The following GMPR2 variants were observed in gnomAD, a reference collection of about 807,000 sequenced individuals.
GMPR2 encodes GMP reductase 2.
GMPR2 carries 32 observed loss-of-function variants against 38.5 expected under a neutral mutation model. The ratio of observed to expected loss-of-function variants is 0.83; its 90% CI spans 0.63 to 1.12. The LOEUF (loss-of-function observed/expected upper bound fraction) is 1.12, where lower values mean the gene tolerates loss of function less well. Ranked by LOEUF, GMPR2 falls within the 50% of genes most tolerant of loss-of-function variation. GMPR2 has a pLI of 0.00. For synonymous variants in GMPR2, 154 were observed against 151.0 expected (o/e 1.02, Z -0.15); for missense variants, 396 against 432.1 (o/e 0.92, Z 0.74).
intron 8 of GMPR2, chr14:24,237,868 AG>A (rs957807363): frequency 2.0e-6 from 1 of 497,526 alleles, no homozygotes; most frequent in African/African-American, 1.9e-5. Flanking sequence ...CATTTTGCAC[AG>A]CTTCCCAGGA....
Position 24,238,295 on chromosome 14 carries a change from T to G in GMPR2, c.747T>G (p.Ser249Arg). The G allele has an allele frequency of 1.2e-6, 2 of 1,613,932 alleles. No homozygotes were observed. Among genetic ancestry groups the G allele is most frequent in the Non-Finnish European group, 1.7e-6 (2 of 1,179,908 alleles). ...VMLGGMLAGH[S>R]ESGGELIERD... Reference sequence around the variant, plus strand: ...TGGGTGGCATGCTGGCTGGGCACAGTGAGTCAGGTGGTGAGCTCATCGAGA... The same window carrying G: ...TGGGTGGCATGCTGGCTGGGCACAGGGAGTCAGGTGGTGAGCTCATCGAGA... Residue 249 changes from serine to arginine, a missense_variant, in exon 9 of 10, where the codon AGT becomes AGG. Transcript: ENST00000399440.
chr14:24,238,568 TA>T lies in GMPR2; in HGVS notation c.858-18del, dbSNP rs1365275671. ...TAAGGAATCCAGAAGGAGAAGATAA[TA>T]AAGTTTTTCCTACTTTAAGAGCCTC... is the stretch of plus-strand genomic sequence containing the variant. On this transcript the variant is annotated intron_variant, in intron 9 of 9. Transcript: ENST00000399440. 2 of 1,613,796 alleles carry T rather than the reference TA, an allele frequency of 1.2e-6. No individual in the cohort carries two copies. The highest frequency in any genetic ancestry group is 1.7e-6 in the Non-Finnish European group (2 of 1,179,908).
intron 8 of GMPR2, chr14:24,237,834 ATGGGACAGCACATC>A (rs2040420506): frequency 3.7e-6 from 2 of 540,708 alleles, no homozygotes; most frequent in Non-Finnish European, 6.5e-6. Flanking sequence ...GCTCTGAGGA[ATGGGACAGCACATC>A]TGCATTTTTC....
chr14:24,236,978 A>G (rs769822713), intron 5 of GMPR2, 93 bp from the exon 6 acceptor site: 8 of 951,920 alleles, frequency 8.4e-6, no homozygotes, highest in Middle Eastern at 2.3e-4. Flanking sequence ...CTTTGTAATA[A>G]TGTTGGAAAG....
intron 3 of GMPR2, 122 bp downstream of exon 3, chr14:24,233,720 T>C (rs780277557): frequency 5.4e-6 from 6 of 1,117,260 alleles, no homozygotes; most frequent in Non-Finnish European, 8.1e-6. Context: ...CAGGATGCTC[T>C]GATTTACGGT....
intron 9 of GMPR2, 90 bp from the exon 10 acceptor site, chr14:24,238,499 G>A (rs1248866834): frequency 5.0e-6 from 8 of 1,613,928 alleles, no homozygotes; most frequent in African/African-American, 1.3e-5. Flanking sequence ...GAAGCATGGT[G>A]AACCGGGGCT....
intron 3 of GMPR2, chr14:24,235,428 G>A (rs2040291392): frequency 7.5e-6 from 3 of 398,910 alleles, no homozygotes; most frequent in South Asian, 3.5e-5. Context: ...TCTGCTGCCT[G>A]TCCCACTGCA....
intron 8 of GMPR2, chr14:24,237,927 G>C: frequency 2.1e-6 from 1 of 472,274 alleles, no homozygotes. Flanking sequence ...TGGGACACAT[G>C]AAATGAGTCT....
At chr14:24,232,864 C>T (rs988179609), upstream of GMPR2, 2 of 323,828 alleles carry the variant, frequency 6.2e-6, no homozygotes, top group Non-Finnish European at 1.2e-5. Context: ...ACCTCTATTC[C>T]GGAAACTAGT....
chr14:24,233,577 GA>G lies in GMPR2; in HGVS notation c.187del (p.Met63TrpfsTer61). ...ANMDTVGTFE[M>X]AKVLCKFSLF... ...ATATGGATACTGTGGGCACCTTTGA[GA>G]TGGCCAAGGTTCTCTGTAAGGTAGG... On this transcript the variant is annotated frameshift_variant, in exon 3 of 10. Transcript: ENST00000399440. LOFTEE classifies it high-confidence loss of function. 6.2e-7 allele frequency: 1 copy of G among 1,614,140 alleles called. No homozygotes were observed. Among genetic ancestry groups the G allele is most frequent in the South Asian group, 1.1e-5 (1 of 91,080 alleles).
intron 3 of GMPR2, among the ~76,000 whole-genome samples, chr14:24,233,933 C>A (rs990131341): frequency 1.3e-5 from 2 of 152,118 alleles, no homozygotes; most frequent in Non-Finnish European, 2.9e-5. Context: ...TTCAGTTATG[C>A]GATTGTCCAC....
Position 24,233,572 on chromosome 14 carries a change from T to TATCTCTGGTGCCC in GMPR2, c.181_182insATCTCTGGTGCCC (p.Phe61TyrfsTer6). The TATCTCTGGTGCCC allele has an allele frequency of 6.2e-7, 1 of 1,614,136 alleles. No individual in the cohort carries two copies. Among genetic ancestry groups the TATCTCTGGTGCCC allele is most frequent in the South Asian group, 1.1e-5 (1 of 91,080 alleles). Reference sequence around the variant, plus strand: ...TGCCAATATGGATACTGTGGGCACCTTTGAGATGGCCAAGGTTCTCTGTAA... The same window carrying TATCTCTGGTGCCC: ...TGCCAATATGGATACTGTGGGCACCTATCTCTGGTGCCCTTGAGATGGCCAAGGTTCTCTGTAA... On this transcript the variant is annotated frameshift_variant, in exon 3 of 10. Coordinates refer to ENST00000399440, the MANE Select transcript of GMPR2 (RefSeq NM_001002002.3). LOFTEE classifies it high-confidence loss of function.
intron 1 of GMPR2, 48 bp from the exon 2 acceptor site, chr14:24,233,171 C>T: frequency 6.2e-7 from 1 of 1,611,364 alleles, no homozygotes; most frequent in Non-Finnish European, 8.5e-7. Flanking sequence ...CGTAACAGGG[C>T]GTTAAAGCCC....
chr14:24,233,826 A>G (rs2040202941), intron 3 of GMPR2: 7 of 619,210 alleles, frequency 1.1e-5, no homozygotes, highest in Middle Eastern at 2.6e-4. Context: ...TTTCTGATAT[A>G]TGAACAGAAT....
chr14:24,238,839 G>A lies in GMPR2; in HGVS notation c.*61G>A. ...TCTACCATGGGGCATCCCAAGTGGG[G>A]TCCTCACCCATCCCAGCTACTGCAG... On this transcript the variant is annotated 3_prime_UTR_variant, in exon 10 of 10. Coordinates refer to ENST00000399440, the MANE Select transcript of GMPR2 (RefSeq NM_001002002.3). The A allele has an allele frequency of 7.1e-7, 1 of 1,413,010 alleles. No homozygotes were observed. The highest frequency in any genetic ancestry group is 9.9e-7 in the Non-Finnish European group (1 of 1,009,098). The allele number at this position is 1,413,010 out of a possible 1,614,324, so 87.5% of individuals were successfully genotyped here. A position where few individuals can be genotyped will look rare whatever the true frequency, so the allele number is the denominator to read the frequency against.
rs776726427 is a variant in GMPR2, at chr14:24,235,962, C to T, written c.292-5C>T. 23 of 1,613,572 alleles carry T rather than the reference C, an allele frequency of 1.4e-5. No individual in the cohort carries two copies. The Admixed American group carries it at 3.3e-4, about 23-fold the overall frequency. On this transcript the variant is annotated splice_region_variant and splice_polypyrimidine_tract_variant and intron_variant, in intron 4 of 9. Transcript: ENST00000399440. ...GATATGCCAATGACTCTGTTTCTCC[C>T]ACAGCATCTGGCTGCCAGCTCAGGC...
intron 8 of GMPR2, 66 bp from the exon 9 acceptor site, chr14:24,238,180 T>G: frequency 1.4e-6 from 2 of 1,406,246 alleles, no homozygotes; most frequent in Non-Finnish European, 2.0e-6. Flanking sequence ...GTGAGTTGCT[T>G]TTGAGGGTGG....
At chr14:24,233,391 C>T (rs2040155977) in intron 2 of GMPR2, 51 bp downstream of exon 2, 1 of 1,609,054 alleles carries the variant, frequency 6.2e-7, no homozygotes, top group South Asian at 1.1e-5. Flanking sequence ...TCCCGGTGGG[C>T]CACAACCAAG....
rs988374291 is a variant in GMPR2, at chr14:24,233,082, G to A, written c.-36+105G>A. The A allele has an allele frequency of 2.0e-5, 22 of 1,075,932 alleles. No homozygotes were observed. In the South Asian group the frequency reaches 2.4e-4, roughly 12 times the overall value. The allele number at this position is 1,075,932 out of a possible 1,614,324, so 66.6% of individuals were successfully genotyped here. A position where few individuals can be genotyped will look rare whatever the true frequency, so the allele number is the denominator to read the frequency against. On this transcript the variant is annotated intron_variant, in intron 1 of 9. Transcript: ENST00000399440. ...TAGGGTAATCGCAGCCACGGGATGG[G>A]TCGAGGTGACAGGCTTCAGGGACCA...
Sources: allele counts gnomAD v4.1 joint callset (sites outside exome capture counted in the v4.1 genomes callset), GRCh38; gene constraint gnomAD v4.1.1; transcripts MANE v1.5; gene names NCBI Gene and HGNC (gene_info 2026-07-23, HGNC 2026-07-21).